The following ME3 variants were observed in gnomAD, a reference collection of about 807,000 sequenced individuals.
ME3 encodes NADP-dependent malic enzyme, mitochondrial.
Under a neutral mutation model 68.9 loss-of-function variants are expected in ME3, and 48 were observed. The observed-to-expected ratio is 0.70, with a 90% confidence interval of 0.55 to 0.89. The LOEUF (loss-of-function observed/expected upper bound fraction) is 0.89, where lower values mean the gene tolerates loss of function less well. ME3 is among the 40% of genes least tolerant of loss of function. The probability of loss-of-function intolerance (pLI) is 0.00; values close to 1 mark genes in which losing one functional copy is unlikely to be tolerated. For synonymous variants in ME3, 320 were observed against 318.8 expected, an observed-to-expected ratio of 1.00 and a Z score of -0.04; for missense variants, 675 against 797.4, an observed-to-expected ratio of 0.85 and a Z score of 1.85.
chr11:86,453,005 T>G lies in ME3; in HGVS notation c.920-2607A>C, dbSNP rs1949716624. On this transcript the variant is annotated intron_variant, in intron 8 of 14. Coordinates refer to ENST00000543262, the Ensembl canonical transcript of ME3. ...GAGGTTTTGTTTTTGTTTTTGTTTT[T>G]GTTTTTAATTTCAGACAGAATCTCA... is the stretch of plus-strand genomic sequence containing the variant. Among the ~76,000 whole-genome samples the G allele has an allele frequency of 2.0e-5, 3 of 151,558 alleles. No homozygotes were observed. The South Asian group carries it at 6.3e-4, about 32-fold the overall frequency.
chr11:86,572,293 C>A (rs565222173), intron 2 of ME3, among the ~76,000 whole-genome samples: 14 of 151,380 alleles, frequency 9.2e-5, no homozygotes, highest in African/African-American at 3.4e-4. Context: ...TTTTTTAAAC[C>A]TCTGGGATAC....
intron 4 of ME3, among the ~76,000 whole-genome samples, chr11:86,520,127 C>G (rs1375381491): frequency 6.6e-6 from 1 of 152,126 alleles, no homozygotes; most frequent in Non-Finnish European, 1.5e-5. Flanking sequence ...GGCTATGTCC[C>G]CCTCCCAGCC....
chr11:86,650,095 G>A (rs533080404), intron 2 of ME3, among the ~76,000 whole-genome samples: 1 of 152,220 alleles, frequency 6.6e-6, no homozygotes, highest in Admixed American at 6.5e-5. Context: ...GCTTGGTACT[G>A]GTACCAAAAC....
intron 2 of ME3, among the ~76,000 whole-genome samples, chr11:86,572,389 AG>A (rs1957849399): frequency 6.6e-6 from 1 of 152,106 alleles, no homozygotes; most frequent in African/African-American, 2.4e-5. Flanking sequence ...CTAGGCTTCA[AG>A]CCCTGGATGC....
chr11:86,649,596 G>A (rs923486992), intron 2 of ME3, among the ~76,000 whole-genome samples: 2 of 152,182 alleles, frequency 1.3e-5, no homozygotes, highest in Non-Finnish European at 2.9e-5. Context: ...TCTTTAAGCT[G>A]ACAAGCAACT....
chr11:86,545,806 A>G (rs960490940), intron 4 of ME3, among the ~76,000 whole-genome samples: 2 of 152,242 alleles, frequency 1.3e-5, no homozygotes, highest in Non-Finnish European at 2.9e-5. Flanking sequence ...AGAATTAGAA[A>G]AAACTACTTT....
At chr11:86,652,410 A>G (rs530998561) in intron 2 of ME3, among the ~76,000 whole-genome samples, 1 of 152,350 alleles carries the variant, frequency 6.6e-6, no homozygotes, top group Admixed American at 6.5e-5. Context: ...CAGAAACTCT[A>G]CAAGCCAGAA....
At chr11:86,607,718 T>C (rs1191207599) in intron 2 of ME3, among the ~76,000 whole-genome samples, 1 of 149,768 alleles carries the variant, frequency 6.7e-6, no homozygotes, top group Non-Finnish European at 1.5e-5. Flanking sequence ...AAGAAATATA[T>C]ATATATATAT....
chr11:86,461,304 T>C (rs953885392), intron 8 of ME3, among the ~76,000 whole-genome samples: 1 of 152,138 alleles, frequency 6.6e-6, no homozygotes, highest in African/African-American at 2.4e-5. Context: ...ACAGCTGTGT[T>C]TGTCCCCCAG....
chr11:86,583,337 A>G (rs1958546267), intron 2 of ME3, among the ~76,000 whole-genome samples: 1 of 152,184 alleles, frequency 6.6e-6, no homozygotes, highest in South Asian at 2.1e-4. Flanking sequence ...TGCCATTAAA[A>G]GCAAAAACTG....
intron 2 of ME3, among the ~76,000 whole-genome samples, chr11:86,650,814 G>T (rs2135429801): frequency 6.6e-6 from 1 of 152,336 alleles, no homozygotes; most frequent in East Asian, 1.9e-4. Flanking sequence ...CACCCAGGAA[G>T]TGCAAGGGGT....
chr11:86,578,336 C>T (rs1363970953), intron 2 of ME3, among the ~76,000 whole-genome samples: 1 of 152,152 alleles, frequency 6.6e-6, no homozygotes, highest in East Asian at 1.9e-4. Context: ...CTCTTTCCTC[C>T]AGCAACACAA....
At chr11:86,544,324 T>G (rs539447987) in intron 4 of ME3, among the ~76,000 whole-genome samples, 2 of 151,410 alleles carry the variant, frequency 1.3e-5, no homozygotes, top group African/African-American at 4.8e-5. Flanking sequence ...CTGAAGGAGA[T>G]AGAGACACAA....
chr11:86,590,420 G>C lies in ME3; in HGVS notation c.184-30597C>G, dbSNP rs924533345. Among the ~76,000 whole-genome samples, 4 of 152,236 alleles carry C rather than the reference G, an allele frequency of 2.6e-5. No individual in the cohort carries two copies. The South Asian group carries it at 8.3e-4, about 32-fold the overall frequency. The stretch of plus-strand genomic sequence containing the variant: ...GTGTCACGTGCTATGGGACTGCAGA[G>C]AAAGGAGAGAATAGATCTCCCTGCG... On this transcript the variant is annotated intron_variant, in intron 2 of 14. Coordinates refer to ENST00000543262, the Ensembl canonical transcript of ME3.
chr11:86,553,346 C>T (rs1426727121), intron 4 of ME3, among the ~76,000 whole-genome samples: 1 of 152,204 alleles, frequency 6.6e-6, no homozygotes, highest in East Asian at 1.9e-4. Flanking sequence ...TTCTTGGGAA[C>T]CTGGCAGGAG....
rs754516714 is a variant in ME3, at chr11:86,487,447, C to A, written c.706-7G>T. 6.2e-7 allele frequency: 1 copy of A among 1,611,636 alleles called. No homozygotes were observed. Among genetic ancestry groups the A allele is most frequent in the Admixed American group, 1.7e-5 (1 of 59,986 alleles). On this transcript the variant is annotated splice_region_variant and splice_polypyrimidine_tract_variant and intron_variant, in intron 6 of 14. Transcript: ENST00000543262. ...GAGGGTCTCTGAGCAGCTCCTGGAA[C>A]AGACAGCACCCATTGACTGAGCCTA...
intron 2 of ME3, among the ~76,000 whole-genome samples, chr11:86,636,606 G>C (rs1944349150): frequency 6.6e-6 from 1 of 152,228 alleles, no homozygotes; most frequent in East Asian, 1.9e-4. Flanking sequence ...TGATGTTTCA[G>C]ATGGAGAAAG....
chr11:86,480,019 A>G (rs1951310008), intron 7 of ME3, among the ~76,000 whole-genome samples: 4 of 152,030 alleles, frequency 2.6e-5, no homozygotes, highest in Admixed American at 2.0e-4. Flanking sequence ...GGGTTTCGCC[A>G]TGTTGGCCAG....
chr11:86,543,698 G>T (rs570720032), intron 4 of ME3, among the ~76,000 whole-genome samples: 9 of 152,108 alleles, frequency 5.9e-5, no homozygotes, highest in African/African-American at 1.9e-4. Context: ...TCCCACACAA[G>T]AACAGCGGGA....
Sources: allele counts gnomAD v4.1 joint callset (sites outside exome capture counted in the v4.1 genomes callset), GRCh38; gene constraint gnomAD v4.1.1; transcripts MANE v1.5; gene names NCBI Gene and HGNC (gene_info 2026-07-23, HGNC 2026-07-21).